The following BAZ1B variants were observed in gnomAD, a reference collection of about 807,000 sequenced individuals.
The protein encoded by BAZ1B is bromodomain adjacent to zinc finger domain 1B, also known as tyrosine-protein kinase BAZ1B.
A neutral mutation model predicts 153.8 loss-of-function variants in BAZ1B; 22 were observed. The ratio of observed to expected loss-of-function variants is 0.14; its 90% CI spans 0.10 to 0.20. The LOEUF is 0.20. BAZ1B is among the 10% of genes least tolerant of loss of function. The pLI, the probability that BAZ1B is intolerant of heterozygous loss-of-function variation, is 1.00. For synonymous variants in BAZ1B, 676 were observed against 633.4 expected (o/e 1.07, Z -1.01); for missense variants, 1,325 against 1,799.3 (o/e 0.74, Z 4.77).
intron 3 of BAZ1B, among the ~76,000 whole-genome samples, chr7:73,500,221 T>G (rs1790070388): frequency 6.6e-6 from 1 of 152,190 alleles, no homozygotes; most frequent in South Asian, 2.1e-4. Flanking sequence ...TAAAAACTGC[T>G]CTTCAAAAAA....
chr7:73,463,239 C>CTTTTTTTTT, intron 11 of BAZ1B, 140 bp from the exon 12 acceptor site: 1 of 466,244 alleles, frequency 2.1e-6, no homozygotes, highest in Non-Finnish European at 3.6e-6. Flanking sequence ...TTTCTTTTTT[C>CTTTTTTTTT]TTTTTTTTTT....
intron 13 of BAZ1B, among the ~76,000 whole-genome samples, chr7:73,454,807 G>A (rs1554569295): frequency 6.6e-6 from 1 of 152,024 alleles, no homozygotes; most frequent in African/African-American, 2.4e-5. Context: ...CACAGTAAGC[G>A]TCCCCTGCCG....
chr7:73,519,850 T>G (rs370155404), intron 1 of BAZ1B, among the ~76,000 whole-genome samples: 3 of 152,094 alleles, frequency 2.0e-5, no homozygotes, highest in African/African-American at 7.2e-5. Context: ...ATTAATGACA[T>G]TGGAAAAGTA....
intron 3 of BAZ1B, among the ~76,000 whole-genome samples, chr7:73,505,074 T>G (rs1790281677): frequency 6.6e-6 from 1 of 152,168 alleles, no homozygotes; most frequent in Non-Finnish European, 1.5e-5. Flanking sequence ...AGCCTGTCTC[T>G]TTTGAGACTT....
intron 15 of BAZ1B, among the ~76,000 whole-genome samples, chr7:73,449,039 G>A (rs1373292746): frequency 2.0e-5 from 3 of 152,182 alleles, no homozygotes; most frequent in African/African-American, 7.2e-5. Context: ...AGAATGGAGA[G>A]CAAGAAACTG....
At position 73,449,606 on chromosome 7, in the gene BAZ1B, G is replaced by A. The variant is rs782354690; in HGVS notation, c.3664C>T (p.Pro1222Ser). 1 of 1,614,150 alleles carries A rather than the reference G, an allele frequency of 6.2e-7. No individual in the cohort carries two copies. Among genetic ancestry groups the A allele is most frequent in the Non-Finnish European group, 8.5e-7 (1 of 1,180,028 alleles). Residue 1222 changes from proline (P) to serine (S), a missense_variant, in exon 15 of 20, where the codon CCA becomes TCA. Pro to Ser is a moderately conservative substitution (Grantham distance 74). Around this residue, in one of 9 missense-constraint regions of BAZ1B, gnomAD observed 21 missense variants for 58.3 expected, o/e 0.36. Coordinates refer to ENST00000339594, the MANE Select transcript of BAZ1B (RefSeq NM_032408.4). Reference sequence around the variant, plus strand: ...GCTGGGCACTGCCACTCACCATCTGGTACTTCATAGAGGGCCGGCCTCAGA... The same window carrying A: ...GCTGGGCACTGCCACTCACCATCTGATACTTCATAGAGGGCCGGCCTCAGA... ...FCLRPALYEV[P>S]DGEWQCPACQ... is the part of the protein sequence containing the mutation.
chr7:73,509,419 G>A (rs1790485367), intron 2 of BAZ1B, among the ~76,000 whole-genome samples: 1 of 152,050 alleles, frequency 6.6e-6, no homozygotes, highest in South Asian at 2.1e-4. Context: ...AAGCACTGGG[G>A]AATACAAAGA....
chr7:73,520,525 C>T (rs1790993510), intron 1 of BAZ1B, among the ~76,000 whole-genome samples: 2 of 151,972 alleles, frequency 1.3e-5, no homozygotes, highest in Non-Finnish European at 2.9e-5. Context: ...CTCTCTGGGC[C>T]AACTCAGCAA....
At chr7:73,513,676 C>T (rs1259518776) in intron 1 of BAZ1B, among the ~76,000 whole-genome samples, 1 of 152,098 alleles carries the variant, frequency 6.6e-6, no homozygotes, top group Non-Finnish European at 1.5e-5. Context: ...GAGGAGGAAT[C>T]AGTAAGTGGA....
Position 73,476,919 on chromosome 7 carries a change from G to A in BAZ1B, c.2542C>T (p.Leu848Phe). 3.1e-6 allele frequency: 5 copies of A among 1,609,862 alleles called. No homozygotes were observed. The highest frequency in any genetic ancestry group is 3.4e-6 in the Non-Finnish European group (4 of 1,178,980). The change falls in exon 7 of 20, where the codon CTT becomes TTT. Residue 848 changes from leucine to phenylalanine, a missense_variant. By Grantham distance (22) the Leu-to-Phe change is conservative. Around this residue, in one of 9 missense-constraint regions of BAZ1B, gnomAD observed 431 missense variants for 563.5 expected, o/e 0.76. Coordinates refer to ENST00000339594, the MANE Select transcript of BAZ1B (RefSeq NM_032408.4). ...MISAVKSRRL[L>F]AIQAKKEREI... ...CGTTCCTTCTTAGCTTGAATGGCAA[G>A]CAACCTTCTGCTCTTCACAGCACTA...
At chr7:73,459,292 G>T (rs540239513) in intron 13 of BAZ1B, among the ~76,000 whole-genome samples, 4 of 151,254 alleles carry the variant, frequency 2.6e-5, no homozygotes, top group Admixed American at 1.3e-4. Context: ...GGTAAAGGTG[G>T]GAAGGCCACA....
intron 6 of BAZ1B, among the ~76,000 whole-genome samples, chr7:73,481,168 C>G (rs1248628361): frequency 6.6e-6 from 1 of 152,018 alleles, no homozygotes; most frequent in African/African-American, 2.4e-5. Flanking sequence ...GGTGATCTGC[C>G]CACCTCCGCC....
chr7:73,479,633 C>T (rs1341023929), intron 6 of BAZ1B, among the ~76,000 whole-genome samples: 2 of 152,000 alleles, frequency 1.3e-5, no homozygotes, highest in African/African-American at 4.8e-5. Flanking sequence ...CCTTCAATCT[C>T]ACCAGAACCT....
chr7:73,491,294 C>CA (rs780780733), intron 5 of BAZ1B, among the ~76,000 whole-genome samples: 44 of 151,672 alleles, frequency 2.9e-4, no homozygotes, highest in Non-Finnish European at 5.6e-4. Context: ...TCAAAAAAGA[C>CA]AAAAAAACAA....
chr7:73,469,956 A>C (rs1788734883), intron 8 of BAZ1B, among the ~76,000 whole-genome samples: 1 of 152,040 alleles, frequency 6.6e-6, no homozygotes, highest in Non-Finnish European at 1.5e-5. Context: ...AATCCTCTCG[A>C]CTCAGCCTCC....
In BAZ1B at chr7:73,444,019, C is replaced by T. The variant is rs782367420; in HGVS notation, c.3955G>A (p.Ala1319Thr). 3 of 1,613,810 alleles carry T rather than the reference C, an allele frequency of 1.9e-6. No individual in the cohort carries two copies. The highest frequency in any genetic ancestry group is 2.2e-5 in the East Asian group (1 of 44,858). The change falls in exon 17 of 20, where the codon GCA becomes ACA. Residue 1319 changes from alanine to threonine, a missense_variant. This residue lies in a region of BAZ1B where 271 missense variants were observed against 337.2 expected (regional missense o/e 0.80). Coordinates refer to ENST00000339594, the MANE Select transcript of BAZ1B (RefSeq NM_032408.4). ...PHSTRRSQPKAPPVDDAEVDE... is the reference protein window; with the variant it reads ...PHSTRRSQPKTPPVDDAEVDE... The stretch of plus-strand genomic sequence containing the variant: ...ACCTCAGCATCATCCACAGGTGGTG[C>T]CTTGGGCTGAGACCTCCTGGTAGAG...
chr7:73,501,817 T>C (rs1790143877), intron 3 of BAZ1B, among the ~76,000 whole-genome samples: 2 of 152,150 alleles, frequency 1.3e-5, no homozygotes, highest in South Asian at 4.1e-4. Context: ...ATTCTGGTTC[T>C]AAGCTAGATT....
At chr7:73,462,160 C>T (rs1311577890) in intron 12 of BAZ1B, among the ~76,000 whole-genome samples, 1 of 152,100 alleles carries the variant, frequency 6.6e-6, no homozygotes, top group Non-Finnish European at 1.5e-5. Flanking sequence ...TCACTTAAGC[C>T]CAGGAATTTG....
rs1583906687 is a variant in BAZ1B at position 73,470,235 on chromosome 7, T to C, written c.2732+110A>G. 4.1e-6 allele frequency: 5 copies of C among 1,232,822 alleles called. No homozygotes were observed. In the East Asian group the frequency reaches 1.2e-4, roughly 30 times the overall value. 76.4% of individuals were successfully genotyped at this position (1,232,822 alleles called of 1,614,324 possible). ...CAACAATTCTGTTTCCAAAAAGAATTGGAAAACTGAAGAGAGAAGCTTGTC... is the reference window on the plus strand; with the variant it reads ...CAACAATTCTGTTTCCAAAAAGAATCGGAAAACTGAAGAGAGAAGCTTGTC... On this transcript the variant is annotated intron_variant, in intron 8 of 19. Transcript: ENST00000339594.
Sources: allele counts gnomAD v4.1 joint callset (sites outside exome capture counted in the v4.1 genomes callset), GRCh38; gene constraint gnomAD v4.1.1; regional missense constraint gnomAD v4.1.1; transcripts MANE v1.5; gene names NCBI Gene and HGNC (gene_info 2026-07-23, HGNC 2026-07-21).